Variants in EML4 observed in about 807,000 individuals in gnomAD.
The protein encoded by EML4 is EMAP like 4.
In EML4, 72 loss-of-function variants were observed where a neutral mutation model predicts 129.0. The observed-to-expected ratio is 0.56, with a 90% CI of 0.46 to 0.68. The LOEUF (loss-of-function observed/expected upper bound fraction) is 0.68. Among genes scored for constraint, EML4 ranks in the 30% least tolerant of loss-of-function variants. EML4 has a pLI of 0.00. For synonymous variants in EML4, 532 were observed against 405.0 expected (o/e 1.31, Z -3.77); for missense variants, 1,363 against 1,190.6 (o/e 1.14, Z -2.13).
intron 1 of EML4, among the ~76,000 whole-genome samples, chr2:42,203,952 G>A (rs778489025): frequency 9.9e-5 from 15 of 151,872 alleles, no homozygotes; most frequent in Non-Finnish European, 1.9e-4. Flanking sequence ...ATGGAGTCTC[G>A]CCCTTTTGCC....
intron 3 of EML4, among the ~76,000 whole-genome samples, chr2:42,259,822 T>C (rs1434629860): frequency 7.1e-6 from 1 of 141,320 alleles, no homozygotes; most frequent in African/African-American, 2.6e-5. Context: ...CTCCGCCTCC[T>C]GGGTTCACAC....
intron 1 of EML4, among the ~76,000 whole-genome samples, chr2:42,192,301 A>G (rs144117346): frequency 0.045 from 6,840 of 150,642 alleles, 194 homozygotes; most frequent in Middle Eastern, 0.13. Context: ...CAGTGGCACA[A>G]TCTTGGTGCT....
At chr2:42,170,467 G>C (rs1459661591) in intron 1 of EML4, among the ~76,000 whole-genome samples, 1 of 152,212 alleles carries the variant, frequency 6.6e-6, no homozygotes, top group Non-Finnish European at 1.5e-5. Context: ...TTGTCTTTGT[G>C]GAATGGAGAA....
chr2:42,218,608 C>T (rs1244927079), intron 1 of EML4, among the ~76,000 whole-genome samples: 1 of 152,032 alleles, frequency 6.6e-6, no homozygotes, highest in East Asian at 1.9e-4. Flanking sequence ...GAAGAGAATA[C>T]AGTAGTGGAG....
intron 17 of EML4, among the ~76,000 whole-genome samples, chr2:42,305,612 C>G (rs887352690): frequency 2.6e-5 from 4 of 152,046 alleles, no homozygotes; most frequent in Non-Finnish European, 4.4e-5. Context: ...TGTATAGTAC[C>G]TAAGGTTAAC....
At chr2:42,250,384 T>C (rs1028130479) in intron 2 of EML4, among the ~76,000 whole-genome samples, 4 of 152,198 alleles carry the variant, frequency 2.6e-5, no homozygotes, top group Admixed American at 6.5e-5. Flanking sequence ...GGGATTATCA[T>C]AGGTTTGCTG....
At chr2:42,316,864 A>G (rs954215373) in intron 18 of EML4, among the ~76,000 whole-genome samples, 2 of 152,246 alleles carry the variant, frequency 1.3e-5, no homozygotes, top group East Asian at 3.8e-4. Flanking sequence ...GTCCTCATGA[A>G]GCACAAAAAT....
At chr2:42,174,687 T>G (rs1209973939) in intron 1 of EML4, among the ~76,000 whole-genome samples, 6 of 152,232 alleles carry the variant, frequency 3.9e-5, no homozygotes, top group Non-Finnish European at 8.8e-5. Context: ...ATATGATTTT[T>G]AAATATTATT....
intron 1 of EML4, among the ~76,000 whole-genome samples, chr2:42,225,414 T>C (rs1215034098): frequency 6.6e-6 from 1 of 152,206 alleles, no homozygotes; most frequent in Non-Finnish European, 1.5e-5. Flanking sequence ...CATGTGCTTA[T>C]TGATAATTTG....
intron 19 of EML4, among the ~76,000 whole-genome samples, chr2:42,322,110 T>A (rs1669557072): frequency 6.6e-6 from 1 of 152,262 alleles, no homozygotes; most frequent in Non-Finnish European, 1.5e-5. Flanking sequence ...GATAGACTGA[T>A]GGAACAGAAA....
intron 1 of EML4, among the ~76,000 whole-genome samples, chr2:42,238,293 A>G (rs898019043): frequency 6.6e-6 from 1 of 152,236 alleles, no homozygotes; most frequent in African/African-American, 2.4e-5. Context: ...AGAGGTCCTC[A>G]TTTTAGAGAC....
chr2:42,273,743 C>A (rs1439555110), intron 6 of EML4, among the ~76,000 whole-genome samples: 1 of 152,094 alleles, frequency 6.6e-6, no homozygotes, highest in African/African-American at 2.4e-5. Context: ...AGTACTGGAA[C>A]TAAAAATTTT....
chr2:42,294,679 A>G (rs992456895), intron 11 of EML4, among the ~76,000 whole-genome samples: 12 of 152,128 alleles, frequency 7.9e-5, no homozygotes, highest in Admixed American at 7.9e-4. Context: ...CCTGGGTGAC[A>G]GAGCAAGACT....
rs75801954 is a variant in EML4 at position 42,263,029 on chromosome 2, C to T, written c.513-149C>T. The T allele has an allele frequency of 8.8e-5, 54 of 615,844 alleles. 3 individuals carry two copies. In the East Asian group the frequency reaches 1.6e-3, roughly 18 times the overall value. 38.1% of individuals were successfully genotyped at this position (615,844 alleles called of 1,614,324 possible). On this transcript the variant is annotated intron_variant, in intron 4 of 22. Coordinates refer to ENST00000318522, the MANE Select transcript of EML4 (RefSeq NM_019063.5). Reference sequence around the variant, plus strand: ...GGAATTGCCTTGTTTAACTCCTTCACTCATCCAGGCAGTCTTTCAACTAAT... The same window carrying T: ...GGAATTGCCTTGTTTAACTCCTTCATTCATCCAGGCAGTCTTTCAACTAAT...
chr2:42,289,390 GATACT>G (rs886605159), intron 11 of EML4: 6 of 152,120 alleles, frequency 3.9e-5, no homozygotes, highest in African/African-American at 1.4e-4. Flanking sequence ...ATGCTCCACT[GATACT>G]ATATGCTGCT....
Position 42,331,768 on chromosome 2 carries a change from A to G in EML4, c.*1561A>G. ...CAGTGAACTCCCAAGGACATTTACA[A>G]CATTTATATTCACACGCTGTATGGA... On this transcript the variant is annotated 3_prime_UTR_variant, in exon 23 of 23. Coordinates refer to ENST00000318522, the MANE Select transcript of EML4 (RefSeq NM_019063.5). 1 of 221,770 alleles carries G rather than the reference A, an allele frequency of 4.5e-6. No individual in the cohort carries two copies. The highest frequency in any genetic ancestry group is 9.0e-6 in the Non-Finnish European group (1 of 110,548). The allele number at this position is 221,770 out of a possible 1,614,324, so 13.7% of individuals were successfully genotyped here. A position where few individuals can be genotyped will look rare whatever the true frequency, so the allele number is the denominator to read the frequency against.
chr2:42,230,253 A>G (rs989227216), intron 1 of EML4, among the ~76,000 whole-genome samples: 1 of 152,196 alleles, frequency 6.6e-6, no homozygotes, highest in Admixed American at 6.5e-5. Flanking sequence ...AGGAAAATGA[A>G]AAATAGCTTC....
intron 2 of EML4, among the ~76,000 whole-genome samples, chr2:42,251,104 T>C (rs1675739202): frequency 6.6e-6 from 1 of 152,216 alleles, no homozygotes; most frequent in African/African-American, 2.4e-5. Flanking sequence ...ACTCTCTGGC[T>C]TCTCACCTCC....
At chr2:42,206,082 T>A in intron 1 of EML4, among the ~76,000 whole-genome samples, 1 of 152,244 alleles carries the variant, frequency 6.6e-6, no homozygotes, top group Non-Finnish European at 1.5e-5. Flanking sequence ...ACATTTCTTA[T>A]AAAAGTAAGT....
Sources: allele counts gnomAD v4.1 joint callset (sites outside exome capture counted in the v4.1 genomes callset), GRCh38; gene constraint gnomAD v4.1.1; transcripts MANE v1.5; gene names NCBI Gene and HGNC (gene_info 2026-07-23, HGNC 2026-07-21).